CHRM3: variants seen among roughly 807,000 people sequenced by gnomAD.
CHRM3 encodes cholinergic receptor muscarinic 3, also known as muscarinic acetylcholine receptor M3.
CHRM3 carries 11 observed loss-of-function variants against 41.8 expected under a neutral mutation model. The observed-to-expected ratio is 0.26, with a 90% CI of 0.17 to 0.44. CHRM3 has a LOEUF of 0.44. CHRM3 is among the 20% of genes least tolerant of loss of function. The probability of loss-of-function intolerance (pLI) is 1.00; values close to 1 mark genes in which losing one functional copy is unlikely to be tolerated. For synonymous variants in CHRM3, 297 were observed against 301.4 expected, an observed-to-expected ratio of 0.99 and a Z score of 0.15; for missense variants, 571 against 745.4, an observed-to-expected ratio of 0.77 and a Z score of 2.72.
chr1:239,499,615 A>G (rs545185552), intron 2 of CHRM3, among the ~76,000 whole-genome samples: 10 of 152,294 alleles, frequency 6.6e-5, no homozygotes, highest in African/African-American at 2.4e-4. Context: ...GGTGCCACCA[A>G]CACGACCATC....
chr1:239,828,315 T>C (rs1672625785), intron 6 of CHRM3, among the ~76,000 whole-genome samples: 2 of 152,124 alleles, frequency 1.3e-5, no homozygotes, highest in Admixed American at 1.3e-4. Context: ...TATACACGTG[T>C]GTATACATAC....
chr1:239,866,103 C>A (rs1474657469), intron 6 of CHRM3, among the ~76,000 whole-genome samples: 2 of 152,086 alleles, frequency 1.3e-5, no homozygotes, highest in Non-Finnish European at 2.9e-5. Context: ...CCAGGCCGGG[C>A]ACGGTGGCTC....
chr1:239,793,801 G>GTTTTTTTTTTTTTTTTTTTT (rs1350243997), intron 5 of CHRM3, among the ~76,000 whole-genome samples: 2 of 62,770 alleles, frequency 3.2e-5, no homozygotes, highest in African/African-American at 1.6e-4. Context: ...AATGAAATGT[G>GTTTTTTTTTTTTTTTTTTTT]TATTTTTTTT....
At chr1:239,478,897 A>T (rs1258713761) in intron 1 of CHRM3, among the ~76,000 whole-genome samples, 1 of 152,080 alleles carries the variant, frequency 6.6e-6, no homozygotes, top group Non-Finnish European at 1.5e-5. Flanking sequence ...AAAAAGAGAC[A>T]GCAGGCCAGG....
chr1:239,547,109 G>A (rs1006268848), intron 3 of CHRM3, among the ~76,000 whole-genome samples: 8 of 152,106 alleles, frequency 5.3e-5, no homozygotes, highest in African/African-American at 1.9e-4. Context: ...TCACTAGGAG[G>A]GCAGTGGTCT....
At chr1:239,679,578 T>C (rs1658357318) in intron 5 of CHRM3, among the ~76,000 whole-genome samples, 1 of 152,106 alleles carries the variant, frequency 6.6e-6, no homozygotes. Flanking sequence ...AATTAACAGA[T>C]GTGTTTCTAA....
chr1:239,850,493 A>G (rs954221613), intron 6 of CHRM3, among the ~76,000 whole-genome samples: 2 of 152,196 alleles, frequency 1.3e-5, no homozygotes, highest in East Asian at 1.9e-4. Flanking sequence ...AACCCGTGTC[A>G]TTCAAAGGTC....
At chr1:239,429,277 T>C (rs72754669) in intron 1 of CHRM3, among the ~76,000 whole-genome samples, 25,881 of 152,190 alleles carry the variant, frequency 0.17, 2,707 homozygotes, top group Non-Finnish European at 0.22. Flanking sequence ...CAAATGAATA[T>C]AGTGGTAGCT....
chr1:239,692,497 C>A (rs578217954), intron 5 of CHRM3, among the ~76,000 whole-genome samples: 14 of 152,020 alleles, frequency 9.2e-5, no homozygotes, highest in African/African-American at 2.9e-4. Context: ...ATGAAAGGAC[C>A]ACAAGGTAAT....
At chr1:239,532,423 C>T (rs1234283516) in intron 2 of CHRM3, among the ~76,000 whole-genome samples, 1 of 150,372 alleles carries the variant, frequency 6.7e-6, no homozygotes, top group Non-Finnish European at 1.5e-5. Context: ...GTCAACAGAT[C>T]GAGACCATCC....
At chr1:239,648,870 A>G (rs1486379009) in intron 4 of CHRM3, among the ~76,000 whole-genome samples, 2 of 152,186 alleles carry the variant, frequency 1.3e-5, no homozygotes, top group Non-Finnish European at 2.9e-5. Context: ...GACATGACTG[A>G]CACATGAATC....
In CHRM3 at chr1:239,907,152, A is replaced by T. The variant is rs1680031400; in HGVS notation, c.-19-281A>T. Reference sequence around the variant, plus strand: ...AGAAGTAAGGGCGATTTTGTCTAGTAACAGAATTACATGGAATATATTTAG... The same window carrying T: ...AGAAGTAAGGGCGATTTTGTCTAGTTACAGAATTACATGGAATATATTTAG... On this transcript the variant is annotated intron_variant, in intron 6 of 6. Coordinates refer to ENST00000676153, the MANE Select transcript of CHRM3 (RefSeq NM_001375978.1). This position sits in a 1 kb window ranked among gnomAD's most constrained non-coding sequence, Gnocchi z 5.4. Among the ~76,000 whole-genome samples, 1 of 152,248 alleles carries T rather than the reference A, an allele frequency of 6.6e-6. No homozygotes were observed. The highest frequency in any genetic ancestry group is 1.5e-5 in the Non-Finnish European group (1 of 68,052).
chr1:239,588,882 T>G (rs1364980132), intron 3 of CHRM3, among the ~76,000 whole-genome samples: 1 of 152,130 alleles, frequency 6.6e-6, no homozygotes, highest in Non-Finnish European at 1.5e-5. Flanking sequence ...AAATTTACCT[T>G]GGACCTGCAG....
rs1680549142 is a variant in CHRM3, at chr1:239,914,654, G to T, written c.*5430G>T. 6.0e-6 allele frequency: 1 copy of T among 167,032 alleles called. No individual in the cohort carries two copies. Among genetic ancestry groups the T allele is most frequent in the Non-Finnish European group, 1.5e-5 (1 of 68,104 alleles). The allele number at this position is 167,032 out of a possible 1,614,324, so 10.3% of individuals were successfully genotyped here. A position where few individuals can be genotyped will look rare whatever the true frequency, so the allele number is the denominator to read the frequency against. On this transcript the variant is annotated 3_prime_UTR_variant, in exon 7 of 7. Transcript: ENST00000676153. ...ATAAAACAGTAGAATTCATGGAAGG[G>T]ATAATTCTTTTGGAACAGGCTTCTC...
chr1:239,466,947 T>C (rs1386723186), intron 1 of CHRM3, among the ~76,000 whole-genome samples: 2 of 152,218 alleles, frequency 1.3e-5, no homozygotes, highest in African/African-American at 2.4e-5. Context: ...TTCAGGTTTT[T>C]GGACTCCTGC....
chr1:239,467,680 A>G (rs1665829470), intron 1 of CHRM3, among the ~76,000 whole-genome samples: 1 of 152,154 alleles, frequency 6.6e-6, no homozygotes, highest in Non-Finnish European at 1.5e-5. Context: ...CATATTCTAT[A>G]AGCTTACCTA....
intron 5 of CHRM3, among the ~76,000 whole-genome samples, chr1:239,793,882 G>A (rs145895265): frequency 0.022 from 3,031 of 139,884 alleles, 115 homozygotes; most frequent in African/African-American, 0.078. Context: ...GTGCGATCTC[G>A]GCTCACTGCA....
chr1:239,650,171 G>C (rs1464700633), intron 4 of CHRM3, among the ~76,000 whole-genome samples: 1 of 152,192 alleles, frequency 6.6e-6, no homozygotes, highest in Non-Finnish European at 1.5e-5. Context: ...TTTGGGTTAA[G>C]CACTAAGCCC....
At chr1:239,884,052 A>G (rs1170815639) in intron 6 of CHRM3, among the ~76,000 whole-genome samples, 1 of 152,226 alleles carries the variant, frequency 6.6e-6, no homozygotes, top group Non-Finnish European at 1.5e-5. Context: ...TCTCAAGAGA[A>G]TAGCCAAACT....
Sources: gnomAD v4.1 joint callset for allele counts (sites outside exome capture counted in the v4.1 genomes callset) on GRCh38, gnomAD v4.1.1 for gene constraint, Gnocchi (gnomAD v3.1) non-coding constraint, MANE v1.5 for transcripts, NCBI Gene and HGNC (gene_info 2026-07-23, HGNC 2026-07-21) for gene names.